Variants in SUGCT observed in about 807,000 individuals in gnomAD.
SUGCT encodes succinyl-CoA:glutarate CoA-transferase.
Under a neutral mutation model 55.0 loss-of-function variants are expected in SUGCT, and 41 were observed. The ratio of observed to expected loss-of-function variants is 0.74; its 90% CI spans 0.58 to 0.97. The LOEUF (loss-of-function observed/expected upper bound fraction) is 0.97, where lower values mean the gene tolerates loss of function less well. SUGCT is among the 50% of genes least tolerant of loss of function. The probability of loss-of-function intolerance (pLI) is 0.00; values close to 1 mark genes in which losing one functional copy is unlikely to be tolerated. For synonymous variants in SUGCT, 187 were observed against 200.4 expected, an observed-to-expected ratio of 0.93 and a Z score of 0.56; for missense variants, 568 against 547.8, an observed-to-expected ratio of 1.04 and a Z score of -0.37.
chr7:40,150,498 A>G (rs1356357122), intron 1 of SUGCT, among the ~76,000 whole-genome samples: 1 of 152,152 alleles, frequency 6.6e-6, no homozygotes, highest in Non-Finnish European at 1.5e-5. Flanking sequence ...GTGAAACCAC[A>G]TCTCTACTAA....
chr7:40,249,346 T>A lies in SUGCT; in HGVS notation c.576+11620T>A, dbSNP rs1025875377. ...ATATATATATATATATATATATATATAATTATATTATATAGAATATATTAT... is the reference window on the plus strand; with the variant it reads ...ATATATATATATATATATATATATAAAATTATATTATATAGAATATATTAT... On this transcript the variant is annotated intron_variant, in intron 7 of 13. Coordinates refer to ENST00000335693, the MANE Select transcript of SUGCT (RefSeq NM_001193313.2). Among the ~76,000 whole-genome samples, 46 of 129,814 alleles carry A rather than the reference T, an allele frequency of 3.5e-4. 2 individuals are homozygous for A. The highest frequency in any genetic ancestry group is 8.9e-4 in the Admixed American group (11 of 12,308). The allele number at this position is 129,814 out of a possible 152,430, so 85.2% of individuals were successfully genotyped here.
chr7:40,242,933 A>ATATATATATATTT (rs1270335224), intron 7 of SUGCT, among the ~76,000 whole-genome samples: 1 of 17,214 alleles, frequency 5.8e-5, no homozygotes, highest in Non-Finnish European at 1.2e-4. Context: ...ATATATATAT[A>ATATATATATATTT]TTTTTTTTTT....
At chr7:40,647,890 A>C (rs889114435) in intron 12 of SUGCT, among the ~76,000 whole-genome samples, 2 of 152,128 alleles carry the variant, frequency 1.3e-5, no homozygotes, top group African/African-American at 2.4e-5. Context: ...TCCTGACTGT[A>C]AACCCAGTCA....
intron 12 of SUGCT, among the ~76,000 whole-genome samples, chr7:40,579,593 T>C (rs1796961110): frequency 6.6e-6 from 1 of 152,190 alleles, no homozygotes; most frequent in Non-Finnish European, 1.5e-5. Context: ...ACAAGTCACA[T>C]CTATTTTTAT....
intron 9 of SUGCT, among the ~76,000 whole-genome samples, chr7:40,321,571 C>T (rs572991443): frequency 6.6e-5 from 10 of 151,666 alleles, no homozygotes; most frequent in Non-Finnish European, 1.0e-4. Context: ...TTAGTAGAGA[C>T]GGGGTTTCAC....
chr7:40,376,822 C>T (rs944218755), intron 9 of SUGCT, among the ~76,000 whole-genome samples: 8 of 151,652 alleles, frequency 5.3e-5, no homozygotes, highest in African/African-American at 1.9e-4. Flanking sequence ...ATGAAAACTT[C>T]CATTCTTTTA....
intron 3 of SUGCT, among the ~76,000 whole-genome samples, chr7:40,186,526 TG>T (rs1319823675): frequency 6.6e-6 from 1 of 152,188 alleles, no homozygotes; most frequent in African/African-American, 2.4e-5. Flanking sequence ...CCCAAAGTGT[TG>T]GGATTACCAG....
At chr7:40,704,661 A>G (rs866678277) in intron 12 of SUGCT, among the ~76,000 whole-genome samples, 10 of 152,328 alleles carry the variant, frequency 6.6e-5, no homozygotes, top group Middle Eastern at 3.4e-3. Flanking sequence ...TGAGAGCCTG[A>G]TGTTAGGGAA....
intron 9 of SUGCT, among the ~76,000 whole-genome samples, chr7:40,425,034 A>G (rs926251465): frequency 6.6e-6 from 1 of 152,144 alleles, no homozygotes; most frequent in Admixed American, 6.6e-5. Context: ...AACATAAAGA[A>G]AAAAGTCAGT....
At chr7:40,753,805 G>A (rs1257975821) in intron 13 of SUGCT, among the ~76,000 whole-genome samples, 3 of 152,142 alleles carry the variant, frequency 2.0e-5, no homozygotes, top group Admixed American at 6.5e-5. Context: ...TTTGGACAAG[G>A]ATAGGAAATT....
chr7:40,404,365 G>A (rs1276912843), intron 9 of SUGCT, among the ~76,000 whole-genome samples: 2 of 152,086 alleles, frequency 1.3e-5, no homozygotes, highest in Admixed American at 1.3e-4. Context: ...TTGGTACCGA[G>A]ACAATGACAT....
intron 6 of SUGCT, among the ~76,000 whole-genome samples, chr7:40,221,421 A>G (rs996505895): frequency 6.6e-6 from 1 of 151,728 alleles, no homozygotes; most frequent in Non-Finnish European, 1.5e-5. Context: ...CTCAAAAAAA[A>G]AAAAAAATCT....
intron 13 of SUGCT, among the ~76,000 whole-genome samples, chr7:40,802,653 T>A (rs1421426023): frequency 6.6e-6 from 1 of 152,210 alleles, no homozygotes; most frequent in African/African-American, 2.4e-5. Flanking sequence ...AAATGGTGGT[T>A]TACAGAAGCT....
the SUGCT span, among the ~76,000 whole-genome samples, chr7:40,929,531 C>G: frequency 6.6e-6 from 1 of 152,172 alleles, no homozygotes; most frequent in Non-Finnish European, 1.5e-5. Flanking sequence ...CTAATTTACA[C>G]TCCCACCAAC....
chr7:40,903,612 A>G, the SUGCT span, among the ~76,000 whole-genome samples: 1 of 152,122 alleles, frequency 6.6e-6, no homozygotes, highest in Admixed American at 6.5e-5. Flanking sequence ...AACAACAACA[A>G]CAAAAGCTTC....
At chr7:40,544,095 T>C (rs1794853999) in intron 12 of SUGCT, among the ~76,000 whole-genome samples, 1 of 151,928 alleles carries the variant, frequency 6.6e-6, no homozygotes, top group Non-Finnish European at 1.5e-5. Flanking sequence ...TGTGTTGTCT[T>C]TGCTTACAAC....
At chr7:40,461,648 A>G (rs536012024) in intron 11 of SUGCT, among the ~76,000 whole-genome samples, 12 of 152,328 alleles carry the variant, frequency 7.9e-5, no homozygotes, top group African/African-American at 2.4e-4. Context: ...TATGAATGAT[A>G]CTGCTCTAGG....
At chr7:40,240,471 G>A (rs961320815) in intron 7 of SUGCT, among the ~76,000 whole-genome samples, 2 of 150,340 alleles carry the variant, frequency 1.3e-5, no homozygotes, top group African/African-American at 2.5e-5. Flanking sequence ...TGACAAGAGC[G>A]AAACTCCATC....
At chr7:40,858,403 CA>C (rs58628576) in intron 13 of SUGCT, among the ~76,000 whole-genome samples, 807 of 34,716 alleles carry the variant, frequency 0.023, 2 homozygotes, top group African/African-American at 0.076. Flanking sequence ...AATTCCATCT[CA>C]AAAAAAAAAA....
Sources: allele counts gnomAD v4.1 joint callset (sites outside exome capture counted in the v4.1 genomes callset), GRCh38; gene constraint gnomAD v4.1.1; transcripts MANE v1.5; gene names NCBI Gene and HGNC (gene_info 2026-07-23, HGNC 2026-07-21).